EYS: variants seen among roughly 807,000 people sequenced by gnomAD.
EYS encodes EGF-like photoreceptor maintenance factor, also known as protein eyes shut homolog.
A neutral mutation model predicts 282.1 loss-of-function variants in EYS; 250 were observed. The observed-to-expected ratio is 0.89, with a 90% CI of 0.80 to 0.98. The LOEUF (loss-of-function observed/expected upper bound fraction) is 0.98, where lower values mean the gene tolerates loss of function less well. Among genes scored for constraint, EYS ranks in the 50% least tolerant of loss-of-function variants. The pLI is 0.00. For synonymous variants in EYS, 1,355 were observed against 1,282.9 expected (o/e 1.06, Z -1.20); for missense variants, 4,016 against 3,709.0 (o/e 1.08, Z -2.15).
intron 36 of EYS, among the ~76,000 whole-genome samples, chr6:63,807,492 A>AAAG (rs1770937145): frequency 6.6e-6 from 1 of 152,232 alleles, no homozygotes; most frequent in Non-Finnish European, 1.5e-5. Context: ...AGGCTTGTAT[A>AAAG]TCTTTGTTTT....
At chr6:63,997,305 G>C (rs1164651715) in intron 34 of EYS, among the ~76,000 whole-genome samples, 3 of 152,208 alleles carry the variant, frequency 2.0e-5, no homozygotes, top group Non-Finnish European at 4.4e-5. Flanking sequence ...GTGCCATAGA[G>C]GTTGGGCCCT....
At chr6:64,845,952 C>T (rs958805975) in intron 19 of EYS, among the ~76,000 whole-genome samples, 1 of 152,096 alleles carries the variant, frequency 6.6e-6, no homozygotes, top group Admixed American at 6.6e-5. Flanking sequence ...TAGGTCCAGA[C>T]CAGGCCTTCA....
intron 33 of EYS, among the ~76,000 whole-genome samples, chr6:64,017,514 C>T (rs1199341836): frequency 1.3e-5 from 2 of 152,162 alleles, no homozygotes; most frequent in Non-Finnish European, 2.9e-5. Flanking sequence ...GCCTTCTGTT[C>T]CTCAGGTTCC....
At chr6:65,620,811 C>T (rs1562293823) in intron 2 of EYS, among the ~76,000 whole-genome samples, 1 of 151,954 alleles carries the variant, frequency 6.6e-6, no homozygotes, top group Admixed American at 6.5e-5. Context: ...TTGTTATGTA[C>T]CCAGTAGTCA....
At chr6:64,330,418 G>C (rs879893275) in intron 29 of EYS, among the ~76,000 whole-genome samples, 1 of 152,114 alleles carries the variant, frequency 6.6e-6, no homozygotes, top group Non-Finnish European at 1.5e-5. Context: ...AAAGGGAGGG[G>C]GGAAAGAACC....
At chr6:64,366,444 T>C (rs1026418864) in intron 29 of EYS, among the ~76,000 whole-genome samples, 1 of 152,076 alleles carries the variant, frequency 6.6e-6, no homozygotes, top group African/African-American at 2.4e-5. Flanking sequence ...GGCTGAACTG[T>C]AAGCAAATAA....
chr6:65,677,284 T>C (rs945049942), intron 1 of EYS, among the ~76,000 whole-genome samples: 1 of 151,716 alleles, frequency 6.6e-6, no homozygotes, highest in Non-Finnish European at 1.5e-5. Flanking sequence ...AAATCAATTA[T>C]ATTCACATAG....
chr6:65,499,680 A>C (rs1033612136), intron 2 of EYS, among the ~76,000 whole-genome samples: 2 of 152,050 alleles, frequency 1.3e-5, no homozygotes, highest in African/African-American at 2.4e-5. Context: ...AGATTGGACT[A>C]AAATTATAGG....
intron 26 of EYS, among the ~76,000 whole-genome samples, chr6:64,559,399 T>G (rs1369687761): frequency 6.6e-6 from 1 of 151,774 alleles, no homozygotes; most frequent in East Asian, 1.9e-4. Context: ...TCTCAAGGGA[T>G]CCTTCCACTT....
chr6:64,187,523 TTAAA>T lies in EYS; in HGVS notation c.6424+43065_6424+43068del, dbSNP rs538085109. Among the ~76,000 whole-genome samples, 7 of 152,158 alleles carry T rather than the reference TTAAA, an allele frequency of 4.6e-5. No homozygotes were observed. In the South Asian group the frequency reaches 1.4e-3, roughly 31 times the overall value. On this transcript the variant is annotated intron_variant, in intron 31 of 42. Coordinates refer to ENST00000503581, the MANE Select transcript of EYS (RefSeq NM_001142800.2). ...CAAGGAAAAAAGAAAATAGCAATTA[TTAAA>T]TAAATAAAAAAAATTTATAACAGTT...
intron 41 of EYS, among the ~76,000 whole-genome samples, chr6:63,731,176 A>G (rs1238577356): frequency 1.3e-5 from 2 of 152,204 alleles, no homozygotes. Context: ...CACAACCAGC[A>G]GAGGGTGACA....
rs973393449 is a variant in EYS, at chr6:65,180,867, C to A, written c.2023+114996G>T. ...CTGGTACCAAAACAGAGATATAGAC[C>A]AATGGAACAGAACAGAGCCCTCATA... On this transcript the variant is annotated intron_variant, in intron 12 of 42. Coordinates refer to ENST00000503581, the MANE Select transcript of EYS (RefSeq NM_001142800.2). Among the ~76,000 whole-genome samples the A allele has an allele frequency of 2.4e-4, 36 of 152,014 alleles. 1 individual carries two copies. The highest frequency in any genetic ancestry group is 5.9e-5 in the Non-Finnish European group (4 of 67,992).
chr6:64,907,552 T>C (rs976502276), intron 16 of EYS, among the ~76,000 whole-genome samples: 10 of 152,152 alleles, frequency 6.6e-5, no homozygotes, highest in Admixed American at 2.0e-4. Context: ...ACCAGACAGT[T>C]CACAAAATTG....
At chr6:64,955,626 A>T (rs1373552085) in intron 14 of EYS, among the ~76,000 whole-genome samples, 1 of 152,188 alleles carries the variant, frequency 6.6e-6, no homozygotes, top group Non-Finnish European at 1.5e-5. Flanking sequence ...AGCTAATTGT[A>T]ATATCATCGG....
chr6:64,081,194 T>C (rs1183251731), intron 32 of EYS, among the ~76,000 whole-genome samples: 1 of 152,202 alleles, frequency 6.6e-6, no homozygotes, highest in Non-Finnish European at 1.5e-5. Context: ...ATATGAGGAA[T>C]TGTTAAAATG....
intron 29 of EYS, among the ~76,000 whole-genome samples, chr6:64,357,040 A>G (rs1440520233): frequency 6.6e-6 from 1 of 151,682 alleles, no homozygotes; most frequent in Non-Finnish European, 1.5e-5. Flanking sequence ...TGAATTAGTC[A>G]ACATCTATTT....
chr6:63,842,844 C>T (rs549893082), intron 36 of EYS, among the ~76,000 whole-genome samples: 2 of 152,178 alleles, frequency 1.3e-5, no homozygotes, highest in Non-Finnish European at 2.9e-5. Flanking sequence ...GTTTTCCCAA[C>T]ACCATTTATT....
intron 11 of EYS, among the ~76,000 whole-genome samples, chr6:65,317,640 C>CACAG (rs1348369011): frequency 5.9e-5 from 9 of 152,096 alleles, no homozygotes; most frequent in Non-Finnish European, 1.2e-4. Context: ...CTCACAAAGT[C>CACAG]ACAGTCAAGC....
chr6:65,277,451 A>C, intron 12 of EYS, among the ~76,000 whole-genome samples: 1 of 136,750 alleles, frequency 7.3e-6, no homozygotes, highest in Non-Finnish European at 1.7e-5. Context: ...AAGTTAATTA[A>C]TTAAAAAAAA....
Sources: gnomAD v4.1 joint callset for allele counts (sites outside exome capture counted in the v4.1 genomes callset) on GRCh38, gnomAD v4.1.1 for gene constraint, MANE v1.5 for transcripts, NCBI Gene and HGNC (gene_info 2026-07-23, HGNC 2026-07-21) for gene names.